SC5D: variants seen among roughly 807,000 people sequenced by gnomAD.
SC5D encodes lathosterol oxidase.
A neutral mutation model predicts 23.9 loss-of-function variants in SC5D; 21 were observed. The ratio of observed to expected loss-of-function variants is 0.88; its 90% CI spans 0.62 to 1.26. The LOEUF (loss-of-function observed/expected upper bound fraction) is 1.26, where lower values mean the gene tolerates loss of function less well. Ranked by LOEUF, SC5D falls within the 50% of genes most tolerant of loss-of-function variation. The pLI, the probability that SC5D is intolerant of heterozygous loss-of-function variation, is 0.00. For missense variants in SC5D, 309 were observed against 364.8 expected (o/e 0.85, Z 1.25); for synonymous variants, 113 against 125.9 (o/e 0.90, Z 0.68).
chr11:121,310,751 T>C lies in SC5D; in HGVS notation c.*3239T>C, dbSNP rs1202334649. ...CTGGGATTATAGGTGTGAGCCACCA[T>C]GCCCAGCCCCTTCTGTCCCTTCTAA... On this transcript the variant is annotated 3_prime_UTR_variant, in exon 5 of 5. Coordinates refer to ENST00000264027, the MANE Select transcript of SC5D (RefSeq NM_006918.5). 6.6e-6 allele frequency among the ~76,000 whole-genome samples: 1 copy of C among 152,228 alleles called. No homozygotes were observed. The highest frequency in any genetic ancestry group is 2.1e-4 in the South Asian group (1 of 4,816).
At chr11:121,306,897 T>C (rs1163148678) in intron 4 of SC5D, among the ~76,000 whole-genome samples, 160 bp from the exon 5 acceptor site, 1 of 152,176 alleles carries the variant, frequency 6.6e-6, no homozygotes, top group Non-Finnish European at 1.5e-5. Flanking sequence ...CCATATAAAA[T>C]TATACTGTTT....
chr11:121,310,283 G>A lies in SC5D; in HGVS notation c.*2771G>A, dbSNP rs1455865852. 6.6e-6 allele frequency among the ~76,000 whole-genome samples: 1 copy of A among 152,160 alleles called. No individual in the cohort carries two copies. Among genetic ancestry groups the A allele is most frequent in the Admixed American group, 6.5e-5 (1 of 15,272 alleles). On this transcript the variant is annotated 3_prime_UTR_variant, in exon 5 of 5. Coordinates refer to ENST00000264027, the MANE Select transcript of SC5D (RefSeq NM_006918.5). ...TATTCAAAGACACTAACCAACTTGA[G>A]GGGTGCAGTGGTCTGAATGTGTCCT... is the stretch of plus-strand genomic sequence containing the variant.
rs192695606 is a variant in SC5D, at chr11:121,307,732, A to G, written c.*220A>G. On this transcript the variant is annotated 3_prime_UTR_variant, in exon 5 of 5. Transcript: ENST00000264027. ...TTTAATCTTATGCTTAAAATGCCAG[A>G]TGTTGTTCGGGGGACAACTTGTATC... 17 of 471,186 alleles carry G rather than the reference A, an allele frequency of 3.6e-5. No individual in the cohort carries two copies. The highest frequency in any genetic ancestry group is 5.3e-5 in the Non-Finnish European group (14 of 266,016). 29.2% of individuals were successfully genotyped at this position (471,186 alleles called of 1,614,324 possible).
At chr11:121,305,363 G>C (rs531812965) in intron 3 of SC5D, 1 of 151,748 alleles carries the variant, frequency 6.6e-6, no homozygotes, top group Non-Finnish European at 1.5e-5. Context: ...GAGAGTTTCA[G>C]TAACGAGTTG....
At chr11:121,293,459 G>A (rs1947866353) in intron 1 of SC5D, among the ~76,000 whole-genome samples, 1 of 152,166 alleles carries the variant, frequency 6.6e-6, no homozygotes, top group East Asian at 1.9e-4. Flanking sequence ...TTAGAATGAA[G>A]GGACAGCAAT....
At chr11:121,306,884 A>G (rs1016531689) in intron 4 of SC5D, 173 bp from the exon 5 acceptor site, 39 of 698,776 alleles carry the variant, frequency 5.6e-5, no homozygotes, top group African/African-American at 5.5e-4. Context: ...TGTACTCATA[A>G]ATCCATATAA....
In SC5D at chr11:121,308,524, T is replaced by C. The variant is rs886047853; in HGVS notation, c.*1012T>C. On this transcript the variant is annotated 3_prime_UTR_variant, in exon 5 of 5. Transcript: ENST00000264027. ...TTCCTCTGCAAAAAGATTTAACAAA[T>C]ACATTCATAAGGAAATGTGTGTTGT... is the stretch of plus-strand genomic sequence containing the variant. 1.1e-4 allele frequency: 17 copies of C among 152,584 alleles called. No homozygotes were observed. The highest frequency in any genetic ancestry group is 1.5e-4 in the Non-Finnish European group (10 of 68,034). The allele number at this position is 152,584 out of a possible 1,614,324, so 9.5% of individuals were successfully genotyped here.
intron 1 of SC5D, among the ~76,000 whole-genome samples, chr11:121,295,097 T>G (rs1209898038): frequency 6.6e-6 from 1 of 152,110 alleles, no homozygotes; most frequent in Non-Finnish European, 1.5e-5. Context: ...TAATTAGGTT[T>G]TAAGATCTAC....
At position 121,308,205 on chromosome 11, in the gene SC5D, A is replaced by C. The variant is rs1166326661; in HGVS notation, c.*693A>C. 1 of 152,228 alleles carries C rather than the reference A, an allele frequency of 6.6e-6. No homozygotes were observed. The highest frequency in any genetic ancestry group is 1.5e-5 in the Non-Finnish European group (1 of 68,046). 9.4% of individuals were successfully genotyped at this position (152,228 alleles called of 1,614,324 possible). The stretch of plus-strand genomic sequence containing the variant: ...AAAATATCGATATCACCATGATTTA[A>C]TCCAGATCTGGGATTATGTAGCTAA... On this transcript the variant is annotated 3_prime_UTR_variant, in exon 5 of 5. Coordinates refer to ENST00000264027, the MANE Select transcript of SC5D (RefSeq NM_006918.5).
rs529785402 is a variant in SC5D, at chr11:121,309,942, C to T, written c.*2430C>T. ...AATTGAGAAGTGGGTGGATATGGTT[C>T]GAGAAGACCTTTCAGAAACACAGAG... On this transcript the variant is annotated 3_prime_UTR_variant, in exon 5 of 5. Transcript: ENST00000264027. Among the ~76,000 whole-genome samples, 318 of 152,244 alleles carry T rather than the reference C, an allele frequency of 2.1e-3. 1 individual carries two copies. Among genetic ancestry groups the T allele is most frequent in the Non-Finnish European group, 3.6e-3 (242 of 68,020 alleles).
chr11:121,301,143 A>T (rs529397936), intron 1 of SC5D, among the ~76,000 whole-genome samples: 15 of 152,310 alleles, frequency 9.8e-5, no homozygotes, highest in Non-Finnish European at 1.8e-4. Context: ...AGTCAGTAGA[A>T]ACTCTCTCTC....
At chr11:121,305,358 T>G (rs1406693134) in intron 3 of SC5D, 1 of 150,352 alleles carries the variant, frequency 6.7e-6, no homozygotes, top group Non-Finnish European at 1.5e-5. Context: ...GTACAGAGAG[T>G]TTCAGTAACG....
rs1275418618 is a variant in SC5D, at chr11:121,310,137, T to TAG, written c.*2630_*2631dup. 2.0e-5 allele frequency among the ~76,000 whole-genome samples: 3 copies of TAG among 152,144 alleles called. No individual in the cohort carries two copies. Among genetic ancestry groups the TAG allele is most frequent in the Non-Finnish European group, 4.4e-5 (3 of 68,028 alleles). The stretch of plus-strand genomic sequence containing the variant: ...TTACAGTGCATGCAGGTTATTTATG[T>TAG]AGAGAGGAGGTCTGGGAGAAAGATG... On this transcript the variant is annotated 3_prime_UTR_variant, in exon 5 of 5. Transcript: ENST00000264027.
Position 121,310,455 on chromosome 11 carries a change from CTTTTT to C in SC5D, c.*2958_*2962del, listed in dbSNP as rs5795265. Among the ~76,000 whole-genome samples, 15 of 111,198 alleles carry C rather than the reference CTTTTT, an allele frequency of 1.3e-4. No individual in the cohort carries two copies. The East Asian group carries it at 3.4e-3, about 25-fold the overall frequency. The allele number at this position is 111,198 out of a possible 152,430, so 73.0% of individuals were successfully genotyped here. ...TGTTCAGCCCTTCTGTCTCCTGTCCCTTTTTTTTTTTTTTTTTTTGAGATGGAGTC... is the reference window on the plus strand; with the variant it reads ...TGTTCAGCCCTTCTGTCTCCTGTCCCTTTTTTTTTTTTTTGAGATGGAGTC... On this transcript the variant is annotated 3_prime_UTR_variant, in exon 5 of 5. Coordinates refer to ENST00000264027, the MANE Select transcript of SC5D (RefSeq NM_006918.5).
In SC5D at chr11:121,303,586, G is replaced by A. The variant is rs1392946617; in HGVS notation, c.210+1G>A. The A allele has an allele frequency of 6.3e-7, 1 of 1,597,226 alleles. No homozygotes were observed. The highest frequency in any genetic ancestry group is 1.3e-5 in the African/African-American group (1 of 74,444). On this transcript the variant is annotated splice_donor_variant, in intron 2 of 4. Coordinates refer to ENST00000264027, the MANE Select transcript of SC5D (RefSeq NM_006918.5). LOFTEE classifies it high-confidence loss of function. ...AATGAAACATCCACAATTTTTAAAG[G>A]TAAGAAATGTTTTTACCTATTTTCT...
chr11:121,304,371 G>A lies in SC5D; in HGVS notation c.221G>A (p.Arg74His), dbSNP rs762728349. The A allele has an allele frequency of 5.6e-6, 9 of 1,613,134 alleles. No individual in the cohort carries two copies. Among genetic ancestry groups the A allele is most frequent in the Admixed American group, 3.3e-5 (2 of 59,996 alleles). ...KHPQFLKNQV[R>H]REIKFTVQAL... ...AAATTTCACTTTCAGAATCAAGTCC[G>A]TCGAGAGATTAAGTTTACTGTCCAG... The change falls in exon 3 of 5, where the codon CGT becomes CAT. Residue 74 changes from arginine (R) to histidine (H), a missense_variant. By Grantham distance (29) the Arg-to-His change is conservative (BLOSUM62 0). Coordinates refer to ENST00000264027, the MANE Select transcript of SC5D (RefSeq NM_006918.5).
At chr11:121,304,816 A>C in intron 3 of SC5D, 1 of 286,234 alleles carries the variant, frequency 3.5e-6, no homozygotes, top group Non-Finnish European at 6.8e-6. Flanking sequence ...GTCATTGCTG[A>C]AAGTTAAAAA....
chr11:121,297,178 G>A (rs528223768), intron 1 of SC5D, among the ~76,000 whole-genome samples: 1 of 152,326 alleles, frequency 6.6e-6, no homozygotes, highest in East Asian at 1.9e-4. Flanking sequence ...CTTATGGAGA[G>A]CGATGTAGCA....
chr11:121,301,328 C>T (rs1947924788), intron 1 of SC5D, among the ~76,000 whole-genome samples: 1 of 145,436 alleles, frequency 6.9e-6, no homozygotes, highest in African/African-American at 2.6e-5. Context: ...TTTTAAAGAA[C>T]CAAATGGAAA....
Sources: gnomAD v4.1 joint callset for allele counts (sites outside exome capture counted in the v4.1 genomes callset) on GRCh38, gnomAD v4.1.1 for gene constraint, MANE v1.5 for transcripts, NCBI Gene and HGNC (gene_info 2026-07-23, HGNC 2026-07-21) for gene names.